ADAM12: variants seen among roughly 807,000 people sequenced by gnomAD.
ADAM12 encodes disintegrin and metalloproteinase domain-containing protein 12.
In ADAM12, 70 loss-of-function variants were observed where a neutral mutation model predicts 106.4. The observed-to-expected ratio is 0.66, with a 90% CI of 0.54 to 0.80. ADAM12 has a LOEUF of 0.80. Ranked by LOEUF, ADAM12 falls within the 30% of genes least tolerant of loss-of-function variation. The pLI, the probability that ADAM12 is intolerant of heterozygous loss-of-function variation, is 0.00. For missense variants in ADAM12, 1,010 were observed against 1,171.9 expected (o/e 0.86, Z 2.02); for synonymous variants, 420 against 433.5 (o/e 0.97, Z 0.39).
intron 3 of ADAM12, among the ~76,000 whole-genome samples, chr10:126,260,075 C>T (rs552684742): frequency 2.1e-4 from 32 of 152,186 alleles, no homozygotes; most frequent in Non-Finnish European, 3.5e-4. Context: ...CTGGGTCCCA[C>T]CTGCCTACAA....
At chr10:126,070,457 T>G (rs1294933873) in intron 12 of ADAM12, 1 of 152,214 alleles carries the variant, frequency 6.6e-6, no homozygotes, top group African/African-American at 2.4e-5. Context: ...CCTCAGAGAC[T>G]TGAAGATGGG....
Position 126,066,621 on chromosome 10 carries a change from G to A in ADAM12, c.1413+96C>T. ...ATGGTGCGTGCTGTGGTGAGTGCTG[G>A]GAAACCTTCCAGCCACACTGCTTGC... On this transcript the variant is annotated intron_variant, in intron 13 of 22. Transcript: ENST00000448723. The surrounding 1 kb of genome is among the most constrained non-coding windows in gnomAD (Gnocchi z 5.1). 8.1e-7 allele frequency: 1 copy of A among 1,232,938 alleles called. No individual in the cohort carries two copies. Among genetic ancestry groups the A allele is most frequent in the Non-Finnish European group, 1.2e-6 (1 of 843,180 alleles). 76.4% of individuals were successfully genotyped at this position (1,232,938 alleles called of 1,614,324 possible).
chr10:126,107,172 C>A (rs148347236), intron 8 of ADAM12, among the ~76,000 whole-genome samples: 52 of 152,296 alleles, frequency 3.4e-4, no homozygotes, highest in African/African-American at 1.2e-3. Context: ...GTCCACATCA[C>A]ACATACTCCT....
intron 3 of ADAM12, among the ~76,000 whole-genome samples, chr10:126,224,228 T>C (rs1248733191): frequency 6.6e-6 from 1 of 152,064 alleles, no homozygotes; most frequent in Non-Finnish European, 1.5e-5. Context: ...GTCTCCGGGG[T>C]TAGAGCCACC....
At chr10:126,160,940 T>G (rs1042018506) in intron 3 of ADAM12, among the ~76,000 whole-genome samples, 1 of 152,224 alleles carries the variant, frequency 6.6e-6, no homozygotes, top group African/African-American at 2.4e-5. Context: ...TGGCTTTTCA[T>G]GTAGCCAGCA....
At chr10:126,115,868 G>A (rs1047660209) in intron 6 of ADAM12, among the ~76,000 whole-genome samples, 2 of 152,048 alleles carry the variant, frequency 1.3e-5, no homozygotes, top group African/African-American at 2.4e-5. Flanking sequence ...CAATTCACAA[G>A]GATTCCACAT....
At chr10:126,020,462 G>C (rs962756970) in intron 21 of ADAM12, among the ~76,000 whole-genome samples, 1 of 152,138 alleles carries the variant, frequency 6.6e-6, no homozygotes, top group South Asian at 2.1e-4. Context: ...GCCAGTGTGA[G>C]GGAGCTGGCC....
chr10:126,182,181 C>T (rs1156883685), intron 3 of ADAM12, among the ~76,000 whole-genome samples: 1 of 152,136 alleles, frequency 6.6e-6, no homozygotes. Flanking sequence ...CTTTGAGATG[C>T]CTTGTCAGAA....
rs754673382 is a variant in ADAM12 at position 126,109,792 on chromosome 10, C to T, written c.652G>A (p.Val218Met). 40 of 1,612,398 alleles carry T rather than the reference C, an allele frequency of 2.5e-5. No individual in the cohort carries two copies. Among genetic ancestry groups the T allele is most frequent in the Admixed American group, 1.2e-4 (7 of 59,966 alleles). The stretch of plus-strand genomic sequence containing the variant: ...GTTCTTACCTCTCGGTTGTCTGCCA[C>T]GATCACCAGCTCCACATACTTAGTT... ...KATKYVELVIVADNREFQRQG... is the reference protein window; with the variant it reads ...KATKYVELVIMADNREFQRQG... Residue 218 changes from valine (V) to methionine (M), a missense_variant, in exon 7 of 23, where the codon GTG (valine) becomes ATG (methionine). Transcript: ENST00000448723.
intron 2 of ADAM12, among the ~76,000 whole-genome samples, chr10:126,307,708 T>A (rs2133810348): frequency 6.6e-6 from 1 of 152,184 alleles, no homozygotes; most frequent in East Asian, 1.9e-4. Flanking sequence ...GCCCAGCTAA[T>A]TTTTGTATTT....
Position 126,021,897 on chromosome 10 carries a change from A to G in ADAM12, c.2530-2072T>C, listed in dbSNP as rs111846462. ...TAACCCTACCAACAAACTTTGGATA[A>G]TTAACTAAGGTAACAAATCAAGCTC... is the stretch of plus-strand genomic sequence containing the variant. On this transcript the variant is annotated intron_variant, in intron 21 of 22. Transcript: ENST00000448723. Among the ~76,000 whole-genome samples, 194 of 152,354 alleles carry G rather than the reference A, an allele frequency of 1.3e-3. 2 individuals carry two copies. The highest frequency in any genetic ancestry group is 4.5e-3 in the African/African-American group (187 of 41,592).
At chr10:126,036,683 T>C (rs1340614653) in intron 20 of ADAM12, among the ~76,000 whole-genome samples, 1 of 152,042 alleles carries the variant, frequency 6.6e-6, no homozygotes, top group African/African-American at 2.4e-5. Context: ...GAAAATAAGA[T>C]ACAGCTTAAT....
At chr10:126,099,822 T>C (rs1289584769) in intron 9 of ADAM12, among the ~76,000 whole-genome samples, 2 of 152,228 alleles carry the variant, frequency 1.3e-5, no homozygotes, top group Admixed American at 6.5e-5. Flanking sequence ...AATAGCTACA[T>C]TGGGTTTGTC....
intron 1 of ADAM12, among the ~76,000 whole-genome samples, chr10:126,379,709 A>C (rs1236384550): frequency 1.3e-5 from 2 of 151,682 alleles, no homozygotes; most frequent in African/African-American, 2.4e-5. Flanking sequence ...AGTTGCTCAT[A>C]TATCTAGGCA....
intron 11 of ADAM12, among the ~76,000 whole-genome samples, chr10:126,086,682 T>A (rs11244803): frequency 0.076 from 1,637 of 21,498 alleles, 42 homozygotes; most frequent in Middle Eastern, 0.083. Flanking sequence ...AAAAAAAAAA[T>A]ATATATATAT....
At position 126,292,181 on chromosome 10, in the gene ADAM12, G is replaced by A. The variant is rs949437271; in HGVS notation, c.187-13193C>T. On this transcript the variant is annotated intron_variant, in intron 2 of 22. Coordinates refer to ENST00000448723, the MANE Select transcript of ADAM12 (RefSeq NM_001288973.2). ...TCTCCCTGGCAACTCAAAGGCTACA[G>A]TGCTGAAAACTCACCAGCTCATTTC... Among the ~76,000 whole-genome samples, 2 of 152,116 alleles carry A rather than the reference G, an allele frequency of 1.3e-5. 1 individual carries two copies. Among genetic ancestry groups the A allele is most frequent in the Non-Finnish European group, 2.9e-5 (2 of 68,026 alleles).
At chr10:126,186,659 G>A (rs1358314955) in intron 3 of ADAM12, among the ~76,000 whole-genome samples, 1 of 152,122 alleles carries the variant, frequency 6.6e-6, no homozygotes, top group African/African-American at 2.4e-5. Context: ...ATCGCACAGT[G>A]TCTGGACCAG....
chr10:126,292,033 C>T (rs191908955), intron 2 of ADAM12, among the ~76,000 whole-genome samples: 10 of 151,916 alleles, frequency 6.6e-5, no homozygotes, highest in Admixed American at 5.9e-4. Flanking sequence ...GAAGCCCAGA[C>T]ATACTTATGA....
intron 3 of ADAM12, among the ~76,000 whole-genome samples, chr10:126,254,391 T>C (rs189977647): frequency 6.6e-6 from 1 of 152,304 alleles, no homozygotes; most frequent in Admixed American, 6.5e-5. Context: ...TCCCTCTGTG[T>C]CAGCTGTCGG....
Sources: allele counts gnomAD v4.1 joint callset (sites outside exome capture counted in the v4.1 genomes callset), GRCh38; gene constraint gnomAD v4.1.1; non-coding constraint Gnocchi (gnomAD v3.1); transcripts MANE v1.5; gene names NCBI Gene and HGNC (gene_info 2026-07-23, HGNC 2026-07-21).